Variants in BMPER observed in about 807,000 individuals in gnomAD.
The protein encoded by BMPER is BMP binding endothelial regulator, also known as BMP-binding endothelial regulator protein.
In BMPER, 45 loss-of-function variants were observed where a neutral mutation model predicts 87.3. That is an observed-to-expected ratio of 0.52 (90% CI 0.41 to 0.66). The LOEUF is 0.66. Ranked by LOEUF, BMPER falls within the 30% of genes least tolerant of loss-of-function variation. The probability of loss-of-function intolerance (pLI) is 0.00; values close to 1 mark genes in which losing one functional copy is unlikely to be tolerated. For synonymous variants in BMPER, 326 were observed against 316.2 expected, an observed-to-expected ratio of 1.03 and a Z score of -0.33; for missense variants, 784 against 867.5, an observed-to-expected ratio of 0.90 and a Z score of 1.21.
chr7:33,928,639 CAA>C (rs35451161), intron 2 of BMPER, among the ~76,000 whole-genome samples: 13 of 49,088 alleles, frequency 2.6e-4, no homozygotes, highest in African/African-American at 6.9e-4. Context: ...TTGAAAAAGC[CAA>C]AAAAAAAAAA....
chr7:34,051,762 T>A, intron 7 of BMPER, 99 bp from the exon 8 acceptor site: 1 of 1,062,510 alleles, frequency 9.4e-7, no homozygotes, highest in Non-Finnish European at 1.5e-6. Flanking sequence ...TTACGTGGTC[T>A]TATAAGAATG....
chr7:34,127,754 T>C (rs543402276), intron 13 of BMPER, among the ~76,000 whole-genome samples: 1 of 152,340 alleles, frequency 6.6e-6, no homozygotes, highest in Admixed American at 6.5e-5. Flanking sequence ...TTTCAGGCTC[T>C]ATACATTCTC....
chr7:33,931,500 ATTC>A (rs1784480684), intron 2 of BMPER, among the ~76,000 whole-genome samples: 1 of 152,222 alleles, frequency 6.6e-6, no homozygotes. Context: ...CTGAAGTATT[ATTC>A]TTCTGTTTAT....
chr7:34,005,903 T>G (rs1786719270), intron 6 of BMPER, among the ~76,000 whole-genome samples: 1 of 152,040 alleles, frequency 6.6e-6, no homozygotes, highest in South Asian at 2.1e-4. Flanking sequence ...GTTCTTAAAT[T>G]TTTTCCTAAG....
intron 13 of BMPER, among the ~76,000 whole-genome samples, chr7:34,118,669 A>G (rs12537867): frequency 0.76 from 115,976 of 152,066 alleles, 44,837 homozygotes; most frequent in East Asian, 0.95. Context: ...CTAAGCAACC[A>G]TATACAAATA....
Position 34,055,173 on chromosome 7 carries a change from T to C in BMPER, c.797T>C (p.Val266Ala). 1 of 1,614,132 alleles carries C rather than the reference T, an allele frequency of 6.2e-7. No homozygotes were observed. Among genetic ancestry groups the C allele is most frequent in the Non-Finnish European group, 8.5e-7 (1 of 1,180,006 alleles). The change falls in exon 9 of 15, where the codon GTG (valine) becomes GCG (alanine). Residue 266 changes from valine to alanine, a missense_variant. Val to Ala is a moderately conservative substitution (Grantham distance 64, BLOSUM62 0). Coordinates refer to ENST00000649409, the MANE Select transcript of BMPER (RefSeq NM_001365308.1). The stretch of plus-strand genomic sequence containing the variant: ...CCTTTGGGCCCCCAGGACTCTACTG[T>C]GGTTTGCAAGAGGAAGTGCTCCCAC... ...CTACTCRDSTVVCKRKCSHPG... is the reference protein window; with the variant it reads ...CTACTCRDSTAVCKRKCSHPG...
chr7:34,003,810 T>A (rs1242308144), intron 6 of BMPER, among the ~76,000 whole-genome samples: 2 of 152,130 alleles, frequency 1.3e-5, no homozygotes, highest in Admixed American at 6.6e-5. Context: ...TTGTATATAA[T>A]GAGTTATTTT....
chr7:33,959,255 A>T (rs1048976796), intron 3 of BMPER, among the ~76,000 whole-genome samples: 1 of 152,166 alleles, frequency 6.6e-6, no homozygotes, highest in African/African-American at 2.4e-5. Context: ...ATAATTATGC[A>T]ATTATTTAAA....
At chr7:33,947,406 A>G (rs1182872272) in intron 3 of BMPER, among the ~76,000 whole-genome samples, 1 of 152,200 alleles carries the variant, frequency 6.6e-6, no homozygotes, top group Admixed American at 6.5e-5. Context: ...AGGATTGAAA[A>G]AAAAGTCTTT....
At chr7:34,090,668 C>A in intron 13 of BMPER, among the ~76,000 whole-genome samples, 1 of 152,148 alleles carries the variant, frequency 6.6e-6, no homozygotes, top group East Asian at 1.9e-4. Context: ...TGGGCTTTTT[C>A]CCTAACTCGA....
intron 11 of BMPER, among the ~76,000 whole-genome samples, chr7:34,070,106 T>TA (rs1278496389): frequency 6.6e-6 from 1 of 152,232 alleles, no homozygotes; most frequent in Non-Finnish European, 1.5e-5. Flanking sequence ...CAGATTTGTT[T>TA]AAGCTTTGAG....
At chr7:34,134,533 T>C (rs1483734908) in intron 13 of BMPER, among the ~76,000 whole-genome samples, 3 of 152,206 alleles carry the variant, frequency 2.0e-5, no homozygotes, top group Admixed American at 2.0e-4. Context: ...CATGGTCAGT[T>C]TTTCCCTCCG....
At chr7:34,110,078 C>T (rs1210273892) in intron 13 of BMPER, among the ~76,000 whole-genome samples, 4 of 152,152 alleles carry the variant, frequency 2.6e-5, no homozygotes, top group Non-Finnish European at 5.9e-5. Context: ...TTTGAAGCAG[C>T]GACCTGAATT....
intron 6 of BMPER, among the ~76,000 whole-genome samples, chr7:34,001,018 C>T (rs925118204): frequency 9.2e-5 from 14 of 151,936 alleles, no homozygotes; most frequent in Non-Finnish European, 1.5e-4. Context: ...ACCAACCTTA[C>T]ATTTCTGCGA....
chr7:34,149,366 A>G (rs1241781528), intron 14 of BMPER, among the ~76,000 whole-genome samples: 1 of 152,222 alleles, frequency 6.6e-6, no homozygotes, highest in Non-Finnish European at 1.5e-5. Flanking sequence ...TATAACGTTA[A>G]AAGTACTGTG....
chr7:34,041,598 C>T (rs1787833902), intron 6 of BMPER, among the ~76,000 whole-genome samples: 1 of 152,078 alleles, frequency 6.6e-6, no homozygotes, highest in Non-Finnish European at 1.5e-5. Flanking sequence ...AGCTTTTTGA[C>T]CCAATTTGTA....
chr7:34,118,994 ACTGTCTCTCTCT>A (rs1427650416), intron 13 of BMPER, among the ~76,000 whole-genome samples: 3 of 89,068 alleles, frequency 3.4e-5, no homozygotes, highest in African/African-American at 4.7e-5. Context: ...TCTCTCTCTC[ACTGTCTCTCTCT>A]CTCTCTCTCA....
intron 13 of BMPER, among the ~76,000 whole-genome samples, chr7:34,138,636 T>G (rs1010012634): frequency 6.6e-6 from 1 of 152,234 alleles, no homozygotes; most frequent in African/African-American, 2.4e-5. Flanking sequence ...TTGAAGCTCC[T>G]GTGACAGACA....
At chr7:34,140,954 A>G (rs1790850135) in intron 13 of BMPER, among the ~76,000 whole-genome samples, 1 of 152,168 alleles carries the variant, frequency 6.6e-6, no homozygotes, top group Non-Finnish European at 1.5e-5. Context: ...ATACAGAAAG[A>G]GACCCACCCC....
Sources: gnomAD v4.1 joint callset for allele counts (sites outside exome capture counted in the v4.1 genomes callset) on GRCh38, gnomAD v4.1.1 for gene constraint, MANE v1.5 for transcripts, NCBI Gene and HGNC (gene_info 2026-07-23, HGNC 2026-07-21) for gene names.